TRIM4: variants seen among roughly 807,000 people sequenced by gnomAD.
TRIM4 encodes the protein E3 ubiquitin-protein ligase TRIM4.
A neutral mutation model predicts 33.7 loss-of-function variants in TRIM4; 29 were observed. The observed-to-expected ratio is 0.86, with a 90% CI of 0.64 to 1.17. TRIM4 has a LOEUF of 1.17. Ranked by LOEUF, TRIM4 falls within the 50% of genes most tolerant of loss-of-function variation. The pLI, the probability that TRIM4 is intolerant of heterozygous loss-of-function variation, is 0.00. For synonymous variants in TRIM4, 224 were observed against 233.0 expected (o/e 0.96, Z 0.35); for missense variants, 554 against 593.7 (o/e 0.93, Z 0.69).
intron 1 of TRIM4, among the ~76,000 whole-genome samples, chr7:99,914,342 G>C (rs1456735654): frequency 1.3e-5 from 2 of 152,164 alleles, no homozygotes; most frequent in Non-Finnish European, 2.9e-5. Flanking sequence ...ATTTTTTGTA[G>C]AGATGGGATC....
intron 3 of TRIM4, among the ~76,000 whole-genome samples, chr7:99,906,663 G>C (rs1023799188): frequency 6.6e-6 from 1 of 152,028 alleles, no homozygotes; most frequent in African/African-American, 2.4e-5. Context: ...AAAAGAGCTA[G>C]AGAAGAAACC....
chr7:99,915,706 C>T (rs531635684), intron 1 of TRIM4, among the ~76,000 whole-genome samples: 2 of 152,282 alleles, frequency 1.3e-5, no homozygotes, highest in East Asian at 3.9e-4. Context: ...GAGAGATGGG[C>T]GGATATCAGG....
At chr7:99,895,191 G>A (rs1818988656) in intron 5 of TRIM4, among the ~76,000 whole-genome samples, 1 of 152,114 alleles carries the variant, frequency 6.6e-6, no homozygotes, top group African/African-American at 2.4e-5. Flanking sequence ...TTCCAATATA[G>A]CACTATACAC....
Position 99,891,924 on chromosome 7 carries a change from A to G in TRIM4, c.*239T>C, listed in dbSNP as rs941970737. 2.4e-5 allele frequency: 11 copies of G among 458,624 alleles called. No homozygotes were observed. The highest frequency in any genetic ancestry group is 3.4e-5 in the Non-Finnish European group (9 of 261,230). The allele number at this position is 458,624 out of a possible 1,614,324, so 28.4% of individuals were successfully genotyped here. On this transcript the variant is annotated 3_prime_UTR_variant, in exon 6 of 6. Coordinates refer to ENST00000349062, the MANE Select transcript of TRIM4 (RefSeq NM_033091.3). ...CCCCGCACATCTCTTTAAAAGCTAC[A>G]AAAAGATTTCCCAAAAGCGTCTTGG...
chr7:99,895,924 T>C (rs1348640981), intron 5 of TRIM4, among the ~76,000 whole-genome samples: 1 of 152,082 alleles, frequency 6.6e-6, no homozygotes, highest in African/African-American at 2.4e-5. Flanking sequence ...ATGTGTTTCT[T>C]TTCCAGTAAA....
chr7:99,896,551 T>C (rs780158226), intron 5 of TRIM4, among the ~76,000 whole-genome samples: 2 of 152,236 alleles, frequency 1.3e-5, no homozygotes, highest in African/African-American at 2.4e-5. Flanking sequence ...ATAAATCCTA[T>C]GTCTCATTCA....
At chr7:99,897,536 G>A (rs1482046820) in intron 5 of TRIM4, among the ~76,000 whole-genome samples, 1 of 151,974 alleles carries the variant, frequency 6.6e-6, no homozygotes, top group Non-Finnish European at 1.5e-5. Context: ...ACATCACACT[G>A]TACCTCATAA....
At chr7:99,898,223 C>T (rs1251696887) in intron 5 of TRIM4, among the ~76,000 whole-genome samples, 1 of 152,206 alleles carries the variant, frequency 6.6e-6, no homozygotes, top group Non-Finnish European at 1.5e-5. Context: ...GTTAGTGCTA[C>T]CCCAGCTGTG....
At chr7:99,913,125 T>C (rs935490606) in intron 1 of TRIM4, among the ~76,000 whole-genome samples, 3 of 152,192 alleles carry the variant, frequency 2.0e-5, no homozygotes, top group Non-Finnish European at 4.4e-5. Context: ...AAATAGAGAT[T>C]TTCTATGTCT....
At chr7:99,896,583 C>T (rs1819020879) in intron 5 of TRIM4, among the ~76,000 whole-genome samples, 1 of 152,238 alleles carries the variant, frequency 6.6e-6, no homozygotes, top group Non-Finnish European at 1.5e-5. Flanking sequence ...TTTCTTCCAC[C>T]TCTCAGACAC....
In TRIM4 at chr7:99,919,206, C is replaced by T; in HGVS notation, c.196G>A (p.Ala66Thr). 4.0e-6 allele frequency: 6 copies of T among 1,512,632 alleles called. No individual in the cohort carries two copies. Among genetic ancestry groups the T allele is most frequent in the East Asian group, 5.2e-5 (2 of 38,342 alleles). 93.7% of individuals were successfully genotyped at this position (1,512,632 alleles called of 1,614,324 possible). Residue 66 changes from alanine (A) to threonine (T), a missense_variant, in exon 1 of 6, where the codon GCC (alanine) becomes ACC (threonine). By Grantham distance (58) the Ala-to-Thr change is moderately conservative. Around this residue, in one of 3 missense-constraint regions of TRIM4, gnomAD observed 233 missense variants for 203.1 expected, o/e 1.15. Transcript: ENST00000349062. ...GTCTTCTCAGTCAGCCTGGCCAGGG[C>T]CCAGTTGGGTCGCAGCGCGGCGGGC... Reference protein sequence around the residue: ...SAPAALRPNWALARLTEKTQR... With the variant: ...SAPAALRPNWTLARLTEKTQR...
At position 99,908,777 on chromosome 7, in the gene TRIM4, C is replaced by T. The variant is rs868327923; in HGVS notation, c.525G>A (p.Thr175=). Residue 175 remains threonine, a synonymous_variant, in exon 3 of 6, where the codon ACG becomes ACA. Transcript: ENST00000349062. ...GGAAGTTGTGCAGCTTTGAAAACTC[C>T]GTGCTGATTCTCATTCGCTGACTCT... ...KIKSQRMRIS[T]EFSKLHNFLV... 9 of 1,614,016 alleles carry T rather than the reference C, an allele frequency of 5.6e-6. No homozygotes were observed. Among genetic ancestry groups the T allele is most frequent in the Middle Eastern group, 3.3e-4 (2 of 6,084 alleles).
At chr7:99,902,457 G>C (rs966695166) in intron 5 of TRIM4, among the ~76,000 whole-genome samples, 4 of 152,120 alleles carry the variant, frequency 2.6e-5, no homozygotes, top group Non-Finnish European at 4.4e-5. Flanking sequence ...ATGTTGGCCA[G>C]GCTGGTCTCG....
intron 5 of TRIM4, among the ~76,000 whole-genome samples, chr7:99,894,383 G>T (rs1222353746): frequency 6.6e-6 from 1 of 152,070 alleles, no homozygotes; most frequent in Non-Finnish European, 1.5e-5. Flanking sequence ...AATCATCTGG[G>T]GACCAGGCGC....
chr7:99,894,000 C>A (rs2151640637), intron 5 of TRIM4, among the ~76,000 whole-genome samples: 1 of 143,028 alleles, frequency 7.0e-6, no homozygotes, highest in Non-Finnish European at 1.5e-5. Flanking sequence ...GTGATATAAA[C>A]TACATCGATT....
intron 5 of TRIM4, among the ~76,000 whole-genome samples, chr7:99,897,247 A>G (rs1161521717): frequency 6.6e-6 from 1 of 152,152 alleles, no homozygotes; most frequent in Non-Finnish European, 1.5e-5. Context: ...AAGAAGACCA[A>G]CCACACCCAC....
chr7:99,918,998 G>A lies in TRIM4; in HGVS notation c.393+11C>T. ...ACAGCCCCGTCATAGTCACCGCGACGGCCAGCTCACCCGGTAGCTCTCGAA... is the reference window on the plus strand; with the variant it reads ...ACAGCCCCGTCATAGTCACCGCGACAGCCAGCTCACCCGGTAGCTCTCGAA... On this transcript the variant is annotated intron_variant, in intron 1 of 5. Coordinates refer to ENST00000349062, the MANE Select transcript of TRIM4 (RefSeq NM_033091.3). 1 of 1,582,480 alleles carries A rather than the reference G, an allele frequency of 6.3e-7. No individual in the cohort carries two copies.
At chr7:99,917,202 T>C (rs1301942689) in intron 1 of TRIM4, among the ~76,000 whole-genome samples, 1 of 152,252 alleles carries the variant, frequency 6.6e-6, no homozygotes, top group Non-Finnish European at 1.5e-5. Flanking sequence ...ATTAATGTTG[T>C]ACACGCTTAA....
intron 1 of TRIM4, among the ~76,000 whole-genome samples, chr7:99,913,595 C>T (rs1166462644): frequency 2.6e-5 from 4 of 152,014 alleles, no homozygotes; most frequent in Admixed American, 6.6e-5. Context: ...CGCTTGAACC[C>T]GGGAGGTGGA....
Sources: gnomAD v4.1 joint callset for allele counts (sites outside exome capture counted in the v4.1 genomes callset) on GRCh38, gnomAD v4.1.1 for gene constraint, gnomAD v4.1.1 regional missense constraint, MANE v1.5 for transcripts, NCBI Gene and HGNC (gene_info 2026-07-23, HGNC 2026-07-21) for gene names.